The following SPTLC2 variants were observed in gnomAD, a reference collection of about 807,000 sequenced individuals.
The protein encoded by SPTLC2 is serine palmitoyltransferase long chain base subunit 2.
SPTLC2 carries 21 observed loss-of-function variants against 62.0 expected under a neutral mutation model. The observed-to-expected ratio is 0.34, with a 90% CI of 0.24 to 0.49. SPTLC2 has a LOEUF of 0.49. SPTLC2 is among the 20% of genes least tolerant of loss of function. The pLI, the probability that SPTLC2 is intolerant of heterozygous loss-of-function variation, is 0.99. For missense variants in SPTLC2, 511 were observed against 713.0 expected (o/e 0.72, Z 3.23); for synonymous variants, 261 against 261.8 (o/e 1.00, Z 0.03).
intron 11 of SPTLC2, among the ~76,000 whole-genome samples, chr14:77,513,053 T>C (rs2079341204): frequency 1.1e-5 from 1 of 90,728 alleles, no homozygotes; most frequent in Admixed American, 1.6e-4. Flanking sequence ...TGAGACAGAG[T>C]CTTGCTTTAT....
intron 9 of SPTLC2, among the ~76,000 whole-genome samples, chr14:77,532,079 G>A (rs1263165531): frequency 6.6e-6 from 1 of 152,006 alleles, no homozygotes; most frequent in Admixed American, 6.6e-5. Context: ...CAACAAAACA[G>A]AACCATCTAA....
chr14:77,584,448 T>A (rs555879941), intron 2 of SPTLC2, among the ~76,000 whole-genome samples: 30 of 152,314 alleles, frequency 2.0e-4, no homozygotes, highest in African/African-American at 7.2e-4. Context: ...GTGCTTTACA[T>A]GCACACATAT....
At chr14:77,573,086 G>A (rs1241793975) in intron 4 of SPTLC2, among the ~76,000 whole-genome samples, 1 of 152,088 alleles carries the variant, frequency 6.6e-6, no homozygotes, top group East Asian at 1.9e-4. Context: ...AAGAGGCCTC[G>A]CTTTTGGCCT....
At chr14:77,578,867 GAGAATACTCAATTTATAA>G in intron 3 of SPTLC2, 70 bp downstream of exon 3, 4 of 1,444,872 alleles carry the variant, frequency 2.8e-6, no homozygotes, top group Non-Finnish European at 3.9e-6. Flanking sequence ...CCTATTTTGA[GAGAATACTCAATTTATAA>G]TAACATATTT....
At chr14:77,614,325 A>C (rs2267750) in intron 1 of SPTLC2, among the ~76,000 whole-genome samples, 67,049 of 152,086 alleles carry the variant, frequency 0.44, 15,062 homozygotes, top group East Asian at 0.63. Flanking sequence ...ACACAAAGCA[A>C]CGCTGAAGTG....
rs868381256 is a variant in SPTLC2 at position 77,598,685 on chromosome 14, A to G, written c.133-1305T>C. 5.3e-5 allele frequency among the ~76,000 whole-genome samples: 8 copies of G among 152,336 alleles called. No homozygotes were observed. The South Asian group carries it at 1.7e-3, about 32-fold the overall frequency. On this transcript the variant is annotated intron_variant, in intron 1 of 11. Coordinates refer to ENST00000216484, the MANE Select transcript of SPTLC2 (RefSeq NM_004863.4). ...AGTGGCGCATGCCTGTAATCCTAGC[A>G]CTTTGGGAGGCCAAGGTGGGCAGAT...
intron 1 of SPTLC2, among the ~76,000 whole-genome samples, chr14:77,606,105 G>A (rs540983918): frequency 1.2e-3 from 183 of 152,350 alleles, no homozygotes; most frequent in African/African-American, 4.2e-3. Context: ...GCCGAGGCAG[G>A]CTGATCATGA....
intron 3 of SPTLC2, among the ~76,000 whole-genome samples, chr14:77,577,263 T>C (rs1407703915): frequency 6.6e-6 from 1 of 151,938 alleles, no homozygotes; most frequent in African/African-American, 2.4e-5. Flanking sequence ...TGAGAATATA[T>C]ACACATGAGG....
At chr14:77,599,114 C>A (rs535735788) in intron 1 of SPTLC2, among the ~76,000 whole-genome samples, 1 of 152,238 alleles carries the variant, frequency 6.6e-6, no homozygotes, top group South Asian at 2.1e-4. Context: ...ACACAAAAAC[C>A]AAGCTACTTT....
Position 77,576,876 on chromosome 14 carries a change from A to C in SPTLC2, c.522T>G (p.Gly174=), listed in dbSNP as rs1475740953. 1.9e-6 allele frequency: 3 copies of C among 1,614,018 alleles called. No individual in the cohort carries two copies. The East Asian group carries it at 6.7e-5, about 36-fold the overall frequency. ...GNIIKGVINM[G]SYNYLGFARN... ...GTGCAAATCCAAGATAGTTGTAGGA[A>C]CCCATGTTTATAACACCCTTTATTA... Residue 174 remains glycine (G), a synonymous_variant, in exon 4 of 12, where the codon GGT becomes GGG. Transcript: ENST00000216484.
chr14:77,561,315 T>C (rs993255199), intron 6 of SPTLC2, among the ~76,000 whole-genome samples: 2 of 152,034 alleles, frequency 1.3e-5, no homozygotes, highest in African/African-American at 4.8e-5. Context: ...AATCACCGTG[T>C]ATTGTAAAAA....
chr14:77,521,329 A>G (rs2079383851), intron 10 of SPTLC2, 117 bp downstream of exon 10: 3 of 1,284,438 alleles, frequency 2.3e-6, no homozygotes, highest in Non-Finnish European at 3.4e-6. Flanking sequence ...TATGTACCAA[A>G]TGAAGGTTAA....
At chr14:77,541,651 A>T (rs906073042) in intron 9 of SPTLC2, among the ~76,000 whole-genome samples, 1 of 152,198 alleles carries the variant, frequency 6.6e-6, no homozygotes, top group Non-Finnish European at 1.5e-5. Flanking sequence ...GAACAGCTCT[A>T]AAGTGGGGGG....
intron 11 of SPTLC2, among the ~76,000 whole-genome samples, chr14:77,516,447 A>G (rs896047833): frequency 6.6e-6 from 1 of 152,206 alleles, no homozygotes; most frequent in Non-Finnish European, 1.5e-5. Context: ...TTAAAGGCAC[A>G]TTGAAATTCT....
intron 9 of SPTLC2, chr14:77,536,032 G>A (rs1211843058): frequency 4.6e-6 from 2 of 438,530 alleles, no homozygotes; most frequent in Non-Finnish European, 9.0e-6. Flanking sequence ...AAAAGAAAAA[G>A]TTGGTTTGAG....
At chr14:77,598,122 C>CAAAA (rs11410783) in intron 1 of SPTLC2, among the ~76,000 whole-genome samples, 1 of 116,976 alleles carries the variant, frequency 8.5e-6, no homozygotes. Context: ...AACCCCATCT[C>CAAAA]AAAAAAAAAA....
intron 9 of SPTLC2, among the ~76,000 whole-genome samples, chr14:77,530,316 TAAA>T (rs34614752): frequency 2.7e-5 from 4 of 148,634 alleles, no homozygotes; most frequent in African/African-American, 7.8e-5. Context: ...GGATCTTTTT[TAAA>T]AAAAAAAAAT....
chr14:77,614,550 G>C (rs2079955119), intron 1 of SPTLC2, among the ~76,000 whole-genome samples: 1 of 152,106 alleles, frequency 6.6e-6, no homozygotes, highest in African/African-American at 2.4e-5. Flanking sequence ...TGTAGGCCCA[G>C]CTACTTGGGA....
At chr14:77,520,065 G>A (rs2079378466) in intron 10 of SPTLC2, among the ~76,000 whole-genome samples, 2 of 152,008 alleles carry the variant, frequency 1.3e-5, no homozygotes, top group South Asian at 2.1e-4. Context: ...TTTGGGTCCT[G>A]TACCTTCTCT....
Sources: gnomAD v4.1 joint callset for allele counts (sites outside exome capture counted in the v4.1 genomes callset) on GRCh38, gnomAD v4.1.1 for gene constraint, MANE v1.5 for transcripts, NCBI Gene and HGNC (gene_info 2026-07-23, HGNC 2026-07-21) for gene names.